The following INPP4B variants were observed in gnomAD, a reference collection of about 807,000 sequenced individuals.
INPP4B encodes the protein inositol polyphosphate-4-phosphatase type II B.
A neutral mutation model predicts 122.5 loss-of-function variants in INPP4B; 55 were observed. The observed-to-expected ratio is 0.45, with a 90% CI of 0.36 to 0.56. The LOEUF (loss-of-function observed/expected upper bound fraction) is 0.56, where lower values mean the gene tolerates loss of function less well. Ranked by LOEUF, INPP4B falls within the 20% of genes least tolerant of loss-of-function variation. The pLI, the probability that INPP4B is intolerant of heterozygous loss-of-function variation, is 0.00. For missense variants in INPP4B, 1,000 were observed against 1,097.7 expected (o/e 0.91, Z 1.26); for synonymous variants, 403 against 388.7 (o/e 1.04, Z -0.43).
At chr4:142,054,990 T>C (rs1156877093) in intron 25 of INPP4B, among the ~76,000 whole-genome samples, 1 of 151,914 alleles carries the variant, frequency 6.6e-6, no homozygotes, top group Non-Finnish European at 1.5e-5. Context: ...GAGATAAGAG[T>C]GGCCAGGTAT....
intron 18 of INPP4B, among the ~76,000 whole-genome samples, chr4:142,145,353 T>G (rs1013780208): frequency 5.3e-5 from 8 of 152,136 alleles, no homozygotes; most frequent in Non-Finnish European, 1.2e-4. Flanking sequence ...AACATATTCC[T>G]TATAATCAAA....
intron 25 of INPP4B, among the ~76,000 whole-genome samples, chr4:142,051,818 G>T (rs931931203): frequency 1.3e-5 from 2 of 151,908 alleles, no homozygotes; most frequent in Non-Finnish European, 2.9e-5. Flanking sequence ...ATTCTTGTGT[G>T]CATACATTTA....
intron 1 of INPP4B, among the ~76,000 whole-genome samples, chr4:142,771,696 G>T (rs1773095017): frequency 1.3e-5 from 2 of 152,114 alleles, no homozygotes; most frequent in Admixed American, 6.5e-5. Context: ...AAAACCATTT[G>T]TCTTGGTCAC....
At chr4:142,573,730 A>G (rs116599275) in intron 2 of INPP4B, among the ~76,000 whole-genome samples, 2,718 of 152,172 alleles carry the variant, frequency 0.018, 66 homozygotes, top group African/African-American at 0.061. Flanking sequence ...CACATTGACC[A>G]AGTTTAGCTT....
At chr4:142,263,866 G>A (rs971400525) in intron 10 of INPP4B, among the ~76,000 whole-genome samples, 10 of 151,460 alleles carry the variant, frequency 6.6e-5, no homozygotes, top group African/African-American at 2.4e-4. Flanking sequence ...ACACTTCAAA[G>A]GTAGGTGGGA....
chr4:142,565,159 C>T (rs1371053274), intron 2 of INPP4B, among the ~76,000 whole-genome samples: 2 of 152,072 alleles, frequency 1.3e-5, no homozygotes, highest in South Asian at 4.1e-4. Context: ...CAGCTGATTC[C>T]CAGACTTTGG....
At chr4:142,225,702 G>A (rs1033803516) in intron 12 of INPP4B, among the ~76,000 whole-genome samples, 3 of 151,802 alleles carry the variant, frequency 2.0e-5, no homozygotes, top group African/African-American at 7.3e-5. Flanking sequence ...TTGTATATAG[G>A]AATGAAAGGG....
At chr4:142,294,952 T>G (rs1579633128) in intron 9 of INPP4B, among the ~76,000 whole-genome samples, 1 of 145,968 alleles carries the variant, frequency 6.9e-6, no homozygotes, top group East Asian at 2.1e-4. Flanking sequence ...AGGAGTGGTG[T>G]GGGGAAGGGA....
intron 15 of INPP4B, among the ~76,000 whole-genome samples, chr4:142,184,279 C>A (rs149184773): frequency 1.7e-3 from 265 of 152,190 alleles, no homozygotes; most frequent in Non-Finnish European, 3.0e-3. Flanking sequence ...TTTAAGTTAG[C>A]CATCTTTATA....
chr4:142,294,430 C>T (rs917709020), intron 9 of INPP4B, among the ~76,000 whole-genome samples: 2 of 151,912 alleles, frequency 1.3e-5, no homozygotes. Context: ...CACTGACATG[C>T]CTGGAGACTA....
At chr4:142,260,456 T>G (rs1049353867) in intron 11 of INPP4B, 36 bp downstream of exon 11, 1 of 1,233,262 alleles carries the variant, frequency 8.1e-7, no homozygotes, top group Admixed American at 1.9e-5. Context: ...AATTCATTTT[T>G]GCATGAAACT....
chr4:142,048,008 A>C (rs1752490995), intron 25 of INPP4B, among the ~76,000 whole-genome samples: 1 of 151,454 alleles, frequency 6.6e-6, no homozygotes, highest in Non-Finnish European at 1.5e-5. Flanking sequence ...AAAAGTTCCT[A>C]TGTATTAAGC....
At chr4:142,307,925 G>A (rs147403067) in intron 8 of INPP4B, among the ~76,000 whole-genome samples, 106 of 151,212 alleles carry the variant, frequency 7.0e-4, no homozygotes, top group African/African-American at 2.4e-3. Flanking sequence ...AATAAAAGTA[G>A]CAAACACCCC....
chr4:142,034,510 C>T (rs1489463493), intron 25 of INPP4B, among the ~76,000 whole-genome samples: 1 of 152,052 alleles, frequency 6.6e-6, no homozygotes, highest in East Asian at 1.9e-4. Flanking sequence ...AATTCTATTA[C>T]TCACGCAACC....
At chr4:142,274,529 T>G (rs902725954) in intron 9 of INPP4B, among the ~76,000 whole-genome samples, 4 of 151,848 alleles carry the variant, frequency 2.6e-5, no homozygotes, top group African/African-American at 9.7e-5. Context: ...ACAAACCAAA[T>G]GTATGACAAA....
At chr4:142,386,196 GAT>G (rs1795909412) in intron 7 of INPP4B, among the ~76,000 whole-genome samples, 1 of 152,064 alleles carries the variant, frequency 6.6e-6, no homozygotes, top group South Asian at 2.1e-4. Context: ...TGTTGTCACA[GAT>G]GACAGAATTT....
chr4:142,296,488 G>T (rs1758758113), intron 9 of INPP4B, among the ~76,000 whole-genome samples: 2 of 152,076 alleles, frequency 1.3e-5, no homozygotes, highest in Admixed American at 6.6e-5. Context: ...ACAAAAACCG[G>T]CACTAGAGAA....
At chr4:142,395,631 C>A (rs80280935) in intron 7 of INPP4B, among the ~76,000 whole-genome samples, 1 of 152,086 alleles carries the variant, frequency 6.6e-6, no homozygotes, top group Non-Finnish European at 1.5e-5. Context: ...GCACTATTCA[C>A]AATGGCCAAG....
intron 7 of INPP4B, among the ~76,000 whole-genome samples, chr4:142,358,355 A>C (rs1302309316): frequency 6.6e-6 from 1 of 151,920 alleles, no homozygotes; most frequent in Non-Finnish European, 1.5e-5. Flanking sequence ...GGTAAAGAGA[A>C]AAGTTTACTA....
Sources: gnomAD v4.1 joint callset for allele counts (sites outside exome capture counted in the v4.1 genomes callset) on GRCh38, gnomAD v4.1.1 for gene constraint, MANE v1.5 for transcripts, NCBI Gene and HGNC (gene_info 2026-07-23, HGNC 2026-07-21) for gene names.